Variants in CSMD2 observed in about 807,000 individuals in gnomAD.
CSMD2 encodes the protein CUB and Sushi multiple domains 2, also known as CUB and sushi domain-containing protein 2.
In CSMD2, 130 loss-of-function variants were observed where a neutral mutation model predicts 398.5. That is an observed-to-expected ratio of 0.33 (90% CI 0.28 to 0.38). CSMD2 has a LOEUF of 0.38. CSMD2 is among the 10% of genes least tolerant of loss of function. The pLI is 1.00. For synonymous variants in CSMD2, 1,828 were observed against 1,908.5 expected (o/e 0.96, Z 1.10); for missense variants, 3,829 against 4,764.9 (o/e 0.80, Z 5.78).
intron 10 of CSMD2, among the ~76,000 whole-genome samples, chr1:33,799,471 T>A (rs1655339746): frequency 6.6e-6 from 1 of 152,230 alleles, no homozygotes; most frequent in African/African-American, 2.4e-5. Context: ...TAATTTGGGA[T>A]GCTGTGAACA....
At chr1:33,848,406 C>T (rs1414084103) in intron 5 of CSMD2, among the ~76,000 whole-genome samples, 2 of 152,166 alleles carry the variant, frequency 1.3e-5, no homozygotes, top group African/African-American at 4.8e-5. Flanking sequence ...TCTTCCTTCC[C>T]CTCCTCCAGT....
chr1:33,689,542 T>C (rs1645166958), intron 25 of CSMD2, among the ~76,000 whole-genome samples: 1 of 152,130 alleles, frequency 6.6e-6, no homozygotes, highest in African/African-American at 2.4e-5. Context: ...TCCACCCCCA[T>C]AGCCACCATT....
chr1:33,862,854 T>G (rs749712217), intron 5 of CSMD2: 5 of 152,232 alleles, frequency 3.3e-5, no homozygotes, highest in Non-Finnish European at 7.3e-5. Context: ...GTTTCCATCT[T>G]TCTTTTACAG....
intron 25 of CSMD2, among the ~76,000 whole-genome samples, chr1:33,665,771 T>C (rs987772857): frequency 6.6e-6 from 1 of 152,072 alleles, no homozygotes; most frequent in Non-Finnish European, 1.5e-5. Context: ...TCTTCCAAAT[T>C]GACACTCAAT....
intron 49 of CSMD2, among the ~76,000 whole-genome samples, chr1:33,576,356 C>A (rs1289743984): frequency 6.6e-6 from 1 of 152,098 alleles, no homozygotes; most frequent in Non-Finnish European, 1.5e-5. Flanking sequence ...TCTGGGAGAC[C>A]GAGGTGGGCG....
intron 28 of CSMD2, among the ~76,000 whole-genome samples, chr1:33,648,239 G>A (rs1376242181): frequency 1.3e-5 from 2 of 151,974 alleles, no homozygotes; most frequent in East Asian, 3.9e-4. Context: ...GTGGGCACCT[G>A]TAGTCCCAAC....
In CSMD2 at chr1:33,541,419, C is replaced by T. The variant is rs75547179; in HGVS notation, c.9278-110G>A. 3,890 of 813,848 alleles carry T rather than the reference C, an allele frequency of 4.8e-3. 137 individuals are homozygous for T. The East Asian group carries it at 0.077, about 16-fold the overall frequency. 50.4% of individuals were successfully genotyped at this position (813,848 alleles called of 1,614,324 possible). On this transcript the variant is annotated intron_variant, in intron 58 of 70. Coordinates refer to ENST00000373381, the MANE Select transcript of CSMD2 (RefSeq NM_001281956.2). ...CATCCAAGAAGGGAAACTGTCAGATCAGGGATGCCCTGTCTCCTCACAGGA... is the reference window on the plus strand; with the variant it reads ...CATCCAAGAAGGGAAACTGTCAGATTAGGGATGCCCTGTCTCCTCACAGGA...
chr1:33,883,554 T>C (rs1641379642), intron 5 of CSMD2, among the ~76,000 whole-genome samples: 1 of 152,186 alleles, frequency 6.6e-6, no homozygotes, highest in Non-Finnish European at 1.5e-5. Context: ...AAAATGTAGA[T>C]TTCCGGATCA....
At chr1:33,727,780 AT>A (rs917167730) in intron 15 of CSMD2, among the ~76,000 whole-genome samples, 5 of 152,094 alleles carry the variant, frequency 3.3e-5, no homozygotes, top group Admixed American at 3.3e-4. Flanking sequence ...TAAGCTCCTG[AT>A]TTTTAAGCCG....
intron 59 of CSMD2, among the ~76,000 whole-genome samples, 153 bp from the exon 60 acceptor site, chr1:33,540,851 G>C (rs1431139270): frequency 6.6e-6 from 1 of 152,160 alleles, no homozygotes; most frequent in Non-Finnish European, 1.5e-5. Context: ...TGGGAGTTCT[G>C]ATCTTTTTGC....
chr1:33,672,735 A>T (rs547155684), intron 25 of CSMD2, among the ~76,000 whole-genome samples: 1 of 152,334 alleles, frequency 6.6e-6, no homozygotes, highest in East Asian at 1.9e-4. Flanking sequence ...CTGACACCTC[A>T]CACGGCTGGG....
chr1:33,789,062 T>C (rs1653902232), intron 11 of CSMD2, among the ~76,000 whole-genome samples: 2 of 152,154 alleles, frequency 1.3e-5, no homozygotes, highest in Non-Finnish European at 2.9e-5. Flanking sequence ...TTCTTGCAAC[T>C]TTTGATCTCT....
intron 6 of CSMD2, among the ~76,000 whole-genome samples, chr1:33,829,780 GT>G (rs1659277256): frequency 1.3e-5 from 2 of 152,194 alleles, no homozygotes; most frequent in South Asian, 4.1e-4. Flanking sequence ...CAGACGGCAC[GT>G]GGAAAATCGG....
At position 34,071,363 on chromosome 1, in the gene CSMD2, C is replaced by T. The variant is rs535245909; in HGVS notation, c.404+17614G>A. On this transcript the variant is annotated intron_variant, in intron 2 of 70. Transcript: ENST00000373381. ...TCATCTAGGCAAACCCAGTCAGCTG[C>T]AGCTCCTGGGGCAACTGGTGCAGTA... is the stretch of plus-strand genomic sequence containing the variant. 9.8e-5 allele frequency among the ~76,000 whole-genome samples: 15 copies of T among 152,344 alleles called. No individual in the cohort carries two copies. In the South Asian group the frequency reaches 3.1e-3, roughly 32 times the overall value.
intron 37 of CSMD2, among the ~76,000 whole-genome samples, chr1:33,621,478 G>A (rs557781064): frequency 5.3e-5 from 8 of 152,112 alleles, no homozygotes; most frequent in African/African-American, 1.4e-4. Context: ...TTTCCCAATC[G>A]TGGCAAAACC....
chr1:34,054,563 AC>A (rs1653600705), intron 2 of CSMD2, among the ~76,000 whole-genome samples: 1 of 152,046 alleles, frequency 6.6e-6, no homozygotes, highest in African/African-American at 2.4e-5. Context: ...CTACTAAAAT[AC>A]CAAAAAATAA....
At chr1:33,766,139 T>C (rs1206969728) in intron 13 of CSMD2, among the ~76,000 whole-genome samples, 2 of 152,158 alleles carry the variant, frequency 1.3e-5, no homozygotes, top group African/African-American at 2.4e-5. Flanking sequence ...CCAACCCCTA[T>C]AGGAACCATT....
intron 2 of CSMD2, among the ~76,000 whole-genome samples, chr1:34,039,635 A>T (rs909972278): frequency 1.3e-5 from 2 of 152,216 alleles, no homozygotes; most frequent in Non-Finnish European, 2.9e-5. Context: ...CTCCAGCGTC[A>T]GTGACAAGGC....
At chr1:33,864,336 T>TG (rs1465476955) in intron 5 of CSMD2, 2 of 1,613,806 alleles carry the variant, frequency 1.2e-6, no homozygotes, top group Admixed American at 3.3e-5. Flanking sequence ...TTCGGAAAAA[T>TG]GGAGATCCAT....
Sources: gnomAD v4.1 joint callset for allele counts (sites outside exome capture counted in the v4.1 genomes callset) on GRCh38, gnomAD v4.1.1 for gene constraint, MANE v1.5 for transcripts, NCBI Gene and HGNC (gene_info 2026-07-23, HGNC 2026-07-21) for gene names.